Variants in PTPRG observed in about 807,000 individuals in gnomAD.
PTPRG encodes protein tyrosine phosphatase receptor type G.
A neutral mutation model predicts 165.3 loss-of-function variants in PTPRG; 102 were observed. The ratio of observed to expected loss-of-function variants is 0.62; its 90% confidence interval spans 0.53 to 0.73. The LOEUF is 0.73. PTPRG is among the 30% of genes least tolerant of loss of function. PTPRG has a pLI of 0.00. For synonymous variants in PTPRG, 675 were observed against 669.5 expected (o/e 1.01, Z -0.13); for missense variants, 1,866 against 1,861.4 (o/e 1.00, Z -0.05).
At chr3:61,993,177 G>A (rs1462354124) in intron 3 of PTPRG, among the ~76,000 whole-genome samples, 9 of 150,924 alleles carry the variant, frequency 6.0e-5, no homozygotes. Flanking sequence ...GAAACCACCT[G>A]TCACTGTACT....
intron 8 of PTPRG, among the ~76,000 whole-genome samples, chr3:62,174,423 T>G (rs1416337182): frequency 6.6e-6 from 1 of 152,194 alleles, no homozygotes; most frequent in East Asian, 1.9e-4. Context: ...GATGTCGTGT[T>G]TTTTTGGTGA....
intron 4 of PTPRG, among the ~76,000 whole-genome samples, chr3:62,018,498 T>G (rs926552693): frequency 4.6e-5 from 7 of 152,176 alleles, no homozygotes; most frequent in African/African-American, 1.2e-4. Context: ...CCACTCTCTT[T>G]CCAGTTGGCC....
chr3:61,887,565 TGG>T (rs1277140983), intron 2 of PTPRG, among the ~76,000 whole-genome samples: 2 of 152,188 alleles, frequency 1.3e-5, no homozygotes, highest in African/African-American at 4.8e-5. Flanking sequence ...CATGAAATTC[TGG>T]GAACTTTTTA....
chr3:61,708,004 G>A (rs188945310), intron 1 of PTPRG, among the ~76,000 whole-genome samples: 128 of 152,146 alleles, frequency 8.4e-4, no homozygotes, highest in African/African-American at 3.0e-3. Context: ...GCTCAGGCTG[G>A]TCTTGAAATC....
At chr3:61,649,582 T>C (rs1304105841) in intron 1 of PTPRG, among the ~76,000 whole-genome samples, 1 of 152,212 alleles carries the variant, frequency 6.6e-6, no homozygotes, top group East Asian at 1.9e-4. Flanking sequence ...ATGGCCTAAT[T>C]GCCTCGTAAA....
intron 4 of PTPRG, among the ~76,000 whole-genome samples, chr3:62,030,120 AAC>A (rs1436538575): frequency 3.9e-5 from 6 of 152,150 alleles, no homozygotes; most frequent in Non-Finnish European, 1.5e-5. Context: ...TGTATATCCA[AAC>A]ACAGGTTTAA....
At position 62,281,807 on chromosome 3, in the gene PTPRG, C is replaced by G. The variant is rs151241247; in HGVS notation, c.3912+98C>G. 7,109 of 1,207,422 alleles carry G rather than the reference C, an allele frequency of 5.9e-3. 36 individuals carry two copies. The highest frequency in any genetic ancestry group is 7.1e-3 in the Middle Eastern group (27 of 3,792). 74.8% of individuals were successfully genotyped at this position (1,207,422 alleles called of 1,614,324 possible). On this transcript the variant is annotated intron_variant, in intron 27 of 29. Transcript: ENST00000474889. ...TAATTTACCACCCTCAAGCCAGGCT[C>G]AGGCATTTGAGTAAGACTTAATTTT...
At chr3:61,947,738 T>C (rs1233544411) in intron 2 of PTPRG, among the ~76,000 whole-genome samples, 2 of 152,204 alleles carry the variant, frequency 1.3e-5, no homozygotes, top group Non-Finnish European at 2.9e-5. Context: ...AATCGTCTTA[T>C]AGTTGCAATG....
intron 14 of PTPRG, 26 bp downstream of exon 14, chr3:62,231,337 G>A: frequency 6.5e-7 from 1 of 1,526,814 alleles, no homozygotes; most frequent in East Asian, 2.4e-5. Context: ...GCTTAAGTGG[G>A]GGGCGTCTTG....
rs190035576 is a variant in PTPRG at position 62,180,785 on chromosome 3, G to C, written c.1034-10684G>C. ...CCATGGCCTTTAGCTCTCAGAGGAA[G>C]AGGGATATCATGTAGAAAAAAGAAT... On this transcript the variant is annotated intron_variant, in intron 8 of 29. Transcript: ENST00000474889. 3.2e-4 allele frequency among the ~76,000 whole-genome samples: 49 copies of C among 152,306 alleles called. No individual in the cohort carries two copies. The Middle Eastern group carries it at 0.017, about 53-fold the overall frequency.
chr3:62,026,458 AAC>A (rs1221050545), intron 4 of PTPRG, among the ~76,000 whole-genome samples: 2 of 152,204 alleles, frequency 1.3e-5, no homozygotes, highest in Non-Finnish European at 2.9e-5. Context: ...CACAAAGAAT[AAC>A]ACAGTGAGTT....
At chr3:62,001,187 T>A (rs1405115538) in intron 3 of PTPRG, among the ~76,000 whole-genome samples, 2 of 152,200 alleles carry the variant, frequency 1.3e-5, no homozygotes, top group African/African-American at 4.8e-5. Context: ...AACAAAAATA[T>A]GAGACATTTT....
intron 5 of PTPRG, among the ~76,000 whole-genome samples, chr3:62,128,012 G>A (rs1246180718): frequency 2.0e-5 from 3 of 152,128 alleles, no homozygotes; most frequent in African/African-American, 7.2e-5. Context: ...TGTGAATTTG[G>A]CCTTCAGTCC....
At chr3:61,998,598 G>C (rs1257433632) in intron 3 of PTPRG, among the ~76,000 whole-genome samples, 1 of 152,148 alleles carries the variant, frequency 6.6e-6, no homozygotes, top group Admixed American at 6.5e-5. Flanking sequence ...TAAGCTTCAC[G>C]TGTGCCCCAT....
chr3:61,566,046 T>C (rs1699906198), intron 1 of PTPRG, among the ~76,000 whole-genome samples: 1 of 152,214 alleles, frequency 6.6e-6, no homozygotes, highest in South Asian at 2.1e-4. Context: ...CTTTGATGTT[T>C]CCTTCTAAAC....
At chr3:61,738,304 A>ATGTATATATATATGTG (rs1559583367) in intron 1 of PTPRG, among the ~76,000 whole-genome samples, 1 of 84,472 alleles carries the variant, frequency 1.2e-5, no homozygotes, top group Non-Finnish European at 2.4e-5. Context: ...ATATATATAT[A>ATGTATATATATATGTG]TATATATACA....
chr3:62,001,943 T>C (rs999825320), intron 3 of PTPRG, among the ~76,000 whole-genome samples: 12 of 152,206 alleles, frequency 7.9e-5, no homozygotes, highest in Non-Finnish European at 1.2e-4. Context: ...TTACGACCCC[T>C]GTTCTAAAAC....
rs528124773 is a variant in PTPRG at position 61,827,169 on chromosome 3, C to T, written c.190+78187C>T. ...AGCTACCCTCTCAGCCTGGGTACCC[C>T]AGTAAGGGAGATGTTGGGCCTAGTC... On this transcript the variant is annotated intron_variant, in intron 2 of 29. Coordinates refer to ENST00000474889, the MANE Select transcript of PTPRG (RefSeq NM_002841.4). Among the ~76,000 whole-genome samples, 9 of 152,316 alleles carry T rather than the reference C, an allele frequency of 5.9e-5. No homozygotes were observed. In the South Asian group the frequency reaches 1.9e-3, roughly 32 times the overall value.
In PTPRG at chr3:62,039,317, A is replaced by G. The variant is rs180908995; in HGVS notation, c.519+35820A>G. Among the ~76,000 whole-genome samples, 170 of 150,826 alleles carry G rather than the reference A, an allele frequency of 1.1e-3. 1 individual carries two copies. Among genetic ancestry groups the G allele is most frequent in the African/African-American group, 3.9e-3 (160 of 40,974 alleles). On this transcript the variant is annotated intron_variant, in intron 4 of 29. Transcript: ENST00000474889. ...TTGTATGTCTACTCTTCTAACACGT[A>G]TATACAACTTAAGTTAAAAAAAATT...
Sources: allele counts gnomAD v4.1 joint callset (sites outside exome capture counted in the v4.1 genomes callset), GRCh38; gene constraint gnomAD v4.1.1; transcripts MANE v1.5; gene names NCBI Gene and HGNC (gene_info 2026-07-23, HGNC 2026-07-21).